DRC8: variants seen among roughly 807,000 people sequenced by gnomAD.
The protein encoded by DRC8 is dynein regulatory complex protein 8.
At chr1:245,075,012 A>T in the DRC8 span, among the ~76,000 whole-genome samples, 1 of 152,216 alleles carries the variant, frequency 6.6e-6, no homozygotes. Flanking sequence ...ATGCTTTATA[A>T]ACCATCTTAA....
the DRC8 span, among the ~76,000 whole-genome samples, chr1:245,103,113 A>G: frequency 2.8e-5 from 4 of 142,098 alleles, no homozygotes; most frequent in Non-Finnish European, 6.0e-5. Context: ...GAGGGAGACC[A>G]GAGAGGCCAA....
At chr1:245,099,306 A>G in the DRC8 span, among the ~76,000 whole-genome samples, 1 of 152,162 alleles carries the variant, frequency 6.6e-6, no homozygotes, top group Non-Finnish European at 1.5e-5. Context: ...TTTTCAACAG[A>G]TTGTTGAAGG....
the DRC8 span, chr1:245,122,905 A>C: frequency 6.6e-6 from 1 of 152,036 alleles, no homozygotes; most frequent in Non-Finnish European, 1.5e-5. Flanking sequence ...CCCTTCCCCC[A>C]CCGTCATCCT....
the DRC8 span, among the ~76,000 whole-genome samples, chr1:245,004,998 T>G: frequency 1.3e-5 from 2 of 152,254 alleles, no homozygotes; most frequent in Non-Finnish European, 1.5e-5. Flanking sequence ...AAAGATGTTA[T>G]GTATTGTCAA....
chr1:245,095,662 CG>C, the DRC8 span, among the ~76,000 whole-genome samples: 1 of 152,156 alleles, frequency 6.6e-6, no homozygotes, highest in Non-Finnish European at 1.5e-5. Context: ...CCCAAAGAAC[CG>C]GGATTAGAGC....
At chr1:245,023,668 A>G in the DRC8 span, among the ~76,000 whole-genome samples, 1 of 152,162 alleles carries the variant, frequency 6.6e-6, no homozygotes, top group Non-Finnish European at 1.5e-5. Context: ...AGTAATATTG[A>G]ACATCTTTTC....
At chr1:245,082,051 A>C in the DRC8 span, 6 of 1,537,110 alleles carry the variant, frequency 3.9e-6, no homozygotes, top group Non-Finnish European at 4.5e-6. Context: ...TTGTTGAATG[A>C]CTAAATGGCT....
chr1:245,120,139 G>T, the DRC8 span, among the ~76,000 whole-genome samples: 2 of 152,014 alleles, frequency 1.3e-5, no homozygotes, highest in African/African-American at 4.8e-5. Context: ...AAATTCAAAA[G>T]GTATGAAGGC....
At chr1:245,088,462 C>T in the DRC8 span, among the ~76,000 whole-genome samples, 70 of 152,268 alleles carry the variant, frequency 4.6e-4, no homozygotes, top group African/African-American at 1.5e-3. This position sits in a 1 kb window ranked among gnomAD's most constrained non-coding sequence, Gnocchi z 4.6. Context: ...CCAAAAGAGG[C>T]GGCTGCTACC....
At chr1:245,076,569 A>G in the DRC8 span, among the ~76,000 whole-genome samples, 2 of 152,242 alleles carry the variant, frequency 1.3e-5, no homozygotes, top group Non-Finnish European at 2.9e-5. Flanking sequence ...CTTTAAGTGA[A>G]GAAATGCAAT....
the DRC8 span, chr1:245,087,159 G>A: frequency 6.5e-7 from 1 of 1,532,530 alleles, no homozygotes; most frequent in South Asian, 1.3e-5. Context: ...GAGCTTGTGG[G>A]GCTCCATGGC....
chr1:245,016,471 C>G, the DRC8 span, among the ~76,000 whole-genome samples: 1 of 152,210 alleles, frequency 6.6e-6, no homozygotes, highest in South Asian at 2.1e-4. Flanking sequence ...CGTATCAACC[C>G]ATTCTCCCCC....
chr1:245,105,882 G>C, the DRC8 span, among the ~76,000 whole-genome samples: 1 of 152,080 alleles, frequency 6.6e-6, no homozygotes, highest in Non-Finnish European at 1.5e-5. Flanking sequence ...TTTGAGAGAC[G>C]CCTGGGCAAC....
At chr1:244,984,868 C>T in the DRC8 span, among the ~76,000 whole-genome samples, 1 of 149,964 alleles carries the variant, frequency 6.7e-6, no homozygotes, top group Non-Finnish European at 1.5e-5. Flanking sequence ...AAAAAAAACT[C>T]CCTCAATTTC....
the DRC8 span, among the ~76,000 whole-genome samples, chr1:245,053,936 C>T: frequency 0.069 from 10,559 of 152,136 alleles, 414 homozygotes; most frequent in Non-Finnish European, 0.083. Context: ...GAACACTGAG[C>T]GCTAAGTGCC....
the DRC8 span, among the ~76,000 whole-genome samples, chr1:245,056,535 G>C: frequency 6.6e-6 from 1 of 152,214 alleles, no homozygotes; most frequent in Non-Finnish European, 1.5e-5. Flanking sequence ...CCAGATGGAA[G>C]CTCTTCCCTA....
At chr1:245,073,643 A>G in the DRC8 span, among the ~76,000 whole-genome samples, 1 of 151,738 alleles carries the variant, frequency 6.6e-6, no homozygotes, top group Non-Finnish European at 1.5e-5. Flanking sequence ...TAAGATGTTC[A>G]CAGTGTTAAG....
chr1:245,020,910 G>A, the DRC8 span, among the ~76,000 whole-genome samples: 4 of 151,758 alleles, frequency 2.6e-5, no homozygotes, highest in Admixed American at 2.0e-4. Flanking sequence ...GATTACAGGC[G>A]TGAGCCACCA....
At chr1:244,970,755 C>A in the DRC8 span, 5 of 431,866 alleles carry the variant, frequency 1.2e-5, no homozygotes, top group Admixed American at 2.7e-4. Flanking sequence ...CCTCTTCACC[C>A]TCTTCCCCTC....
Sources: gnomAD v4.1 joint callset for allele counts (sites outside exome capture counted in the v4.1 genomes callset) on GRCh38, gnomAD v4.1.1 for gene constraint, Gnocchi (gnomAD v3.1) non-coding constraint, MANE v1.5 for transcripts, NCBI Gene and HGNC (gene_info 2026-07-23, HGNC 2026-07-21) for gene names.